ST8SIA2: variants seen among roughly 807,000 people sequenced by gnomAD.
ST8SIA2 encodes the protein alpha-2,8-sialyltransferase 8B.
ST8SIA2 carries 22 observed loss-of-function variants against 37.6 expected under a neutral mutation model. The ratio of observed to expected loss-of-function variants is 0.58; its 90% CI spans 0.42 to 0.83. ST8SIA2 has a LOEUF of 0.83. ST8SIA2 is among the 40% of genes least tolerant of loss of function. The pLI, the probability that ST8SIA2 is intolerant of heterozygous loss-of-function variation, is 0.00. For missense variants in ST8SIA2, 382 were observed against 484.7 expected (o/e 0.79, Z 1.99); for synonymous variants, 205 against 201.2 (o/e 1.02, Z -0.16).
chr15:92,396,458 T>A (rs1284950003), intron 1 of ST8SIA2, among the ~76,000 whole-genome samples: 2 of 147,776 alleles, frequency 1.4e-5, no homozygotes, highest in Non-Finnish European at 3.0e-5. Context: ...TTCTTTTTGT[T>A]TGTTTGTTTT....
chr15:92,421,628 T>A (rs572741350), intron 1 of ST8SIA2, among the ~76,000 whole-genome samples: 1 of 152,344 alleles, frequency 6.6e-6, no homozygotes, highest in South Asian at 2.1e-4. Flanking sequence ...ATCATACAGA[T>A]AATGATTTGT....
At position 92,394,002 on chromosome 15, in the gene ST8SIA2, T is replaced by G; in HGVS notation, c.-63T>G. The G allele has an allele frequency of 1.5e-6, 2 of 1,329,464 alleles. No homozygotes were observed. Among genetic ancestry groups the G allele is most frequent in the Non-Finnish European group, 2.0e-6 (2 of 983,832 alleles). The allele number at this position is 1,329,464 out of a possible 1,614,324, so 82.4% of individuals were successfully genotyped here. ...GCGCGGAGGCTCCGGCGTCCGCCGC[T>G]GCGCCCTCCGGCCCCTGCTCCTCGC... On this transcript the variant is annotated 5_prime_UTR_variant, in exon 1 of 6. Coordinates refer to ENST00000268164, the MANE Select transcript of ST8SIA2 (RefSeq NM_006011.4).
At chr15:92,423,654 G>GA (rs2049653338) in intron 1 of ST8SIA2, among the ~76,000 whole-genome samples, 1 of 152,184 alleles carries the variant, frequency 6.6e-6, no homozygotes, top group Non-Finnish European at 1.5e-5. Flanking sequence ...CAGAATGGCA[G>GA]AAAAAAGTGA....
intron 5 of ST8SIA2, among the ~76,000 whole-genome samples, chr15:92,462,503 C>T (rs968845844): frequency 2.0e-5 from 3 of 152,192 alleles, no homozygotes; most frequent in African/African-American, 4.8e-5. Context: ...CCCACCCCAA[C>T]CTTTCAGCTA....
chr15:92,416,311 C>A lies in ST8SIA2; in HGVS notation c.99-13738C>A, dbSNP rs578128229. On this transcript the variant is annotated intron_variant, in intron 1 of 5. Transcript: ENST00000268164. The stretch of plus-strand genomic sequence containing the variant: ...AATGAACTAGGGGTGGCTGCCATTC[C>A]CTGAGAGGACACCGGGAGAGACAGG... Among the ~76,000 whole-genome samples, 7 of 151,770 alleles carry A rather than the reference C, an allele frequency of 4.6e-5. No individual in the cohort carries two copies. The South Asian group carries it at 1.3e-3, about 27-fold the overall frequency.
At chr15:92,436,677 A>G (rs1261129783) in intron 3 of ST8SIA2, among the ~76,000 whole-genome samples, 1 of 152,206 alleles carries the variant, frequency 6.6e-6, no homozygotes, top group East Asian at 1.9e-4. Context: ...GTCAAGTCAT[A>G]TAATCCTTGG....
rs1202546887 is a variant in ST8SIA2 at position 92,448,477 on chromosome 15, T to A, written c.842+3548T>A. Among the ~76,000 whole-genome samples the A allele has an allele frequency of 2.0e-5, 3 of 152,142 alleles. No individual in the cohort carries two copies. The East Asian group carries it at 5.8e-4, about 29-fold the overall frequency. ...ACCAAGGGATTGTAGAGAGGAAGGC[T>A]GAGGAGGAATCCGGCCAAGAGGCAC... On this transcript the variant is annotated intron_variant, in intron 5 of 5. Coordinates refer to ENST00000268164, the MANE Select transcript of ST8SIA2 (RefSeq NM_006011.4).
intron 1 of ST8SIA2, among the ~76,000 whole-genome samples, chr15:92,429,001 A>T (rs2049695803): frequency 6.6e-6 from 1 of 152,240 alleles, no homozygotes; most frequent in South Asian, 2.1e-4. Context: ...AATCAGATAC[A>T]AAATCCAGAC....
intron 5 of ST8SIA2, among the ~76,000 whole-genome samples, chr15:92,455,596 A>C (rs2049914586): frequency 6.6e-6 from 1 of 152,144 alleles, no homozygotes; most frequent in African/African-American, 2.4e-5. Context: ...CCCTATTGAC[A>C]CACACCACCT....
chr15:92,411,999 G>A (rs2049552704), intron 1 of ST8SIA2, among the ~76,000 whole-genome samples: 1 of 152,204 alleles, frequency 6.6e-6, no homozygotes, highest in South Asian at 2.1e-4. Flanking sequence ...AGACAGGCAG[G>A]TGCTCCCGGT....
chr15:92,416,464 G>A (rs561668922), intron 1 of ST8SIA2, among the ~76,000 whole-genome samples: 30 of 152,184 alleles, frequency 2.0e-4, no homozygotes, highest in African/African-American at 6.0e-4. Flanking sequence ...TTGGAAAACC[G>A]GCGCGTGCAA....
chr15:92,406,586 G>T lies in ST8SIA2; in HGVS notation c.98+12424G>T, dbSNP rs952151039. On this transcript the variant is annotated intron_variant, in intron 1 of 5. Coordinates refer to ENST00000268164, the MANE Select transcript of ST8SIA2 (RefSeq NM_006011.4). ...TTGGTTTCCCTGCCTTCTACAGAGC[G>T]CCTGCCCTAAGCAGTGACCTTGGCC... Among the ~76,000 whole-genome samples the T allele has an allele frequency of 6.6e-5, 10 of 152,230 alleles. 1 individual carries two copies. The highest frequency in any genetic ancestry group is 5.9e-4 in the Admixed American group (9 of 15,284).
chr15:92,407,730 G>C (rs1248867534), intron 1 of ST8SIA2, among the ~76,000 whole-genome samples: 1 of 152,190 alleles, frequency 6.6e-6, no homozygotes, highest in Admixed American at 6.5e-5. Flanking sequence ...TGCTCTTCCA[G>C]ATAAAGAAAG....
intron 5 of ST8SIA2, among the ~76,000 whole-genome samples, chr15:92,446,347 G>C (rs2049842839): frequency 6.6e-6 from 1 of 152,212 alleles, no homozygotes; most frequent in Non-Finnish European, 1.5e-5. Context: ...AAGTGGCCCA[G>C]AGACCAAGGC....
At chr15:92,447,987 G>A (rs1268018555) in intron 5 of ST8SIA2, among the ~76,000 whole-genome samples, 2 of 152,194 alleles carry the variant, frequency 1.3e-5, no homozygotes, top group Non-Finnish European at 2.9e-5. Flanking sequence ...GAGAAACACT[G>A]CCCTTTGTTA....
intron 4 of ST8SIA2, among the ~76,000 whole-genome samples, chr15:92,439,801 G>A (rs575480845): frequency 1.3e-5 from 2 of 152,114 alleles, no homozygotes; most frequent in Non-Finnish European, 2.9e-5. Context: ...TGAGGGGAGG[G>A]GAAAGGAAGA....
chr15:92,453,400 G>A (rs2049897271), intron 5 of ST8SIA2, among the ~76,000 whole-genome samples: 1 of 152,178 alleles, frequency 6.6e-6, no homozygotes, highest in Non-Finnish European at 1.5e-5. Flanking sequence ...CATATTTGGG[G>A]TCTCAGAATT....
intron 5 of ST8SIA2, among the ~76,000 whole-genome samples, chr15:92,463,780 G>C (rs2049972561): frequency 6.6e-6 from 1 of 152,212 alleles, no homozygotes; most frequent in Non-Finnish European, 1.5e-5. Context: ...TTCAAGTCAA[G>C]TGCTGCCCCT....
intron 5 of ST8SIA2, among the ~76,000 whole-genome samples, chr15:92,458,359 G>T (rs774721389): frequency 9.9e-5 from 15 of 152,186 alleles, no homozygotes; most frequent in Non-Finnish European, 2.1e-4. Flanking sequence ...AGGCTATCGG[G>T]CCAGAACTAG....
Sources: allele counts gnomAD v4.1 joint callset (sites outside exome capture counted in the v4.1 genomes callset), GRCh38; gene constraint gnomAD v4.1.1; transcripts MANE v1.5; gene names NCBI Gene and HGNC (gene_info 2026-07-23, HGNC 2026-07-21).